The following XPO1 variants were observed in gnomAD, a reference collection of about 807,000 sequenced individuals.
The protein encoded by XPO1 is exportin-1.
In XPO1, 5 loss-of-function variants were observed where a neutral mutation model predicts 133.3. The observed-to-expected ratio is 0.04, with a 90% CI of 0.02 to 0.08. The LOEUF (loss-of-function observed/expected upper bound fraction) is 0.08, where lower values mean the gene tolerates loss of function less well. Among genes scored for constraint, XPO1 ranks in the 10% least tolerant of loss-of-function variants. The pLI is 1.00. For missense variants in XPO1, 506 were observed against 1,267.5 expected, an observed-to-expected ratio of 0.40 and a Z score of 9.12; for synonymous variants, 419 against 408.2, an observed-to-expected ratio of 1.03 and a Z score of -0.32.
intron 1 of XPO1, among the ~76,000 whole-genome samples, chr2:61,535,657 G>A (rs1052236170): frequency 6.6e-6 from 1 of 152,174 alleles, no homozygotes; most frequent in Non-Finnish European, 1.5e-5. Context: ...TGATTGATAT[G>A]ATGTAAAAAT....
chr2:61,516,467 T>G (rs1403243886), intron 4 of XPO1, among the ~76,000 whole-genome samples: 2 of 152,096 alleles, frequency 1.3e-5, no homozygotes, highest in African/African-American at 4.8e-5. Context: ...CAGGCCGTAG[T>G]GCAATGGCGC....
At chr2:61,509,104 G>A (rs1199499133) in intron 4 of XPO1, among the ~76,000 whole-genome samples, 2 of 151,738 alleles carry the variant, frequency 1.3e-5, no homozygotes, top group South Asian at 4.2e-4. Flanking sequence ...GAGTTCAAGC[G>A]ATTCTCCTGC....
At chr2:61,532,419 G>A (rs917682845) in intron 2 of XPO1, among the ~76,000 whole-genome samples, 1 of 151,260 alleles carries the variant, frequency 6.6e-6, no homozygotes, top group Non-Finnish European at 1.5e-5. Context: ...GAGCCACCGC[G>A]CCCGGCCGGC....
intron 22 of XPO1, 142 bp downstream of exon 22, chr2:61,482,815 C>A: frequency 1.0e-6 from 1 of 972,210 alleles, no homozygotes; most frequent in Non-Finnish European, 1.5e-6. Flanking sequence ...TTAGTACAGA[C>A]AGTTTCACCA....
rs766201793 is a variant in XPO1, at chr2:61,490,720, T to G, written c.1944A>C (p.Thr648=). 6.2e-7 allele frequency: 1 copy of G among 1,614,236 alleles called. No individual in the cohort carries two copies. The highest frequency in any genetic ancestry group is 1.1e-5 in the South Asian group (1 of 91,086). Reference sequence around the variant, plus strand: ...ACTTTTCTATCAAGTGTTCTTGTACTGTTTGATCTGTTTGTGCACCAATCA... The same window carrying G: ...ACTTTTCTATCAAGTGTTCTTGTACGGTTTGATCTGTTTGTGCACCAATCA... The part of the protein sequence containing the change: ...GYMIGAQTDQ[T]VQEHLIEKYM... The change falls in exon 17 of 25, where the codon ACA becomes ACC. Residue 648 remains threonine (T), a synonymous_variant. Coordinates refer to ENST00000401558, the MANE Select transcript of XPO1 (RefSeq NM_003400.4).
chr2:61,523,649 G>T (rs1698791275), intron 3 of XPO1, among the ~76,000 whole-genome samples: 2 of 152,166 alleles, frequency 1.3e-5, no homozygotes, highest in Non-Finnish European at 2.9e-5. Flanking sequence ...CAGATTGCAA[G>T]TTTTGGCTGA....
chr2:61,500,182 T>C lies in XPO1; in HGVS notation c.409-288A>G, dbSNP rs10198398. ...TGTATTAGTATCTGCCTGATAGATA[T>C]GTAGAAATTATTCTAGGAGGCCTTG... On this transcript the variant is annotated intron_variant, in intron 6 of 24. Coordinates refer to ENST00000401558, the MANE Select transcript of XPO1 (RefSeq NM_003400.4). 5.5e-3 allele frequency among the ~76,000 whole-genome samples: 838 copies of C among 152,262 alleles called. 7 individuals are homozygous for C. Among genetic ancestry groups the C allele is most frequent in the African/African-American group, 0.019 (792 of 41,560 alleles).
chr2:61,533,943 T>A, intron 1 of XPO1, 40 bp from the exon 2 acceptor site: 1 of 1,431,166 alleles, frequency 7.0e-7, no homozygotes, highest in Non-Finnish European at 9.2e-7. Flanking sequence ...CCTATCAAGT[T>A]TTGGTATTAT....
Position 61,483,098 on chromosome 2 carries a change from G to C in XPO1, c.2678-7C>G, listed in dbSNP as rs1341235517. On this transcript the variant is annotated splice_polypyrimidine_tract_variant and splice_region_variant and intron_variant, in intron 21 of 24. Coordinates refer to ENST00000401558, the MANE Select transcript of XPO1 (RefSeq NM_003400.4). ...GTAAAAAGTATCTGTAAGCCTAAAA[G>C]ACATAGAATACCAATGGAAAGTTAC... 1.3e-5 allele frequency: 21 copies of C among 1,605,896 alleles called. No homozygotes were observed. Among genetic ancestry groups the C allele is most frequent in the Non-Finnish European group, 1.6e-5 (19 of 1,176,370 alleles).
At chr2:61,522,814 T>C in intron 3 of XPO1, 131 bp from the exon 4 acceptor site, 1 of 666,782 alleles carries the variant, frequency 1.5e-6, no homozygotes, top group South Asian at 1.8e-5. Flanking sequence ...CAAGTTTAAT[T>C]ACACATATTA....
Position 61,483,004 on chromosome 2 carries a change from A to G in XPO1, c.2765T>C (p.Ile922Thr), listed in dbSNP as rs1278903226. ...CACAACAGAAAAGATATGCTGGAGA[A>G]TATCACAAAAATAAGTTTGATAAAA... The part of the protein sequence containing the change: ...QSFYQTYFCD[I>T]LQHIFSVVTD... The change falls in exon 22 of 25, where the codon ATT becomes ACT. Residue 922 changes from isoleucine (I) to threonine (T), a missense_variant. By Grantham distance (89) the Ile-to-Thr change is moderately conservative (BLOSUM62 -1). Around this residue, in one of 6 missense-constraint regions of XPO1, gnomAD observed 203 missense variants for 365.9 expected, o/e 0.55. Coordinates refer to ENST00000401558, the MANE Select transcript of XPO1 (RefSeq NM_003400.4). 6.2e-7 allele frequency: 1 copy of G among 1,613,802 alleles called. No individual in the cohort carries two copies. Among genetic ancestry groups the G allele is most frequent in the Non-Finnish European group, 8.5e-7 (1 of 1,179,962 alleles).
intron 16 of XPO1, among the ~76,000 whole-genome samples, chr2:61,491,466 AC>A (rs1309712149): frequency 6.1e-5 from 3 of 49,508 alleles, no homozygotes; most frequent in East Asian, 2.9e-3. Flanking sequence ...ACAAACACAC[AC>A]ACACACACAC....
At chr2:61,513,245 C>T (rs949310468) in intron 4 of XPO1, among the ~76,000 whole-genome samples, 4 of 152,138 alleles carry the variant, frequency 2.6e-5, no homozygotes, top group African/African-American at 7.2e-5. Context: ...ATTGTTTCCG[C>T]CTGCCTTGGC....
chr2:61,502,444 G>A (rs1697573978), intron 4 of XPO1, 134 bp from the exon 5 acceptor site: 4 of 859,780 alleles, frequency 4.7e-6, no homozygotes, highest in Admixed American at 3.0e-5. Context: ...CCTGTCACCA[G>A]TATTGGCATT....
At chr2:61,486,692 C>T (rs1192432662) in intron 19 of XPO1, among the ~76,000 whole-genome samples, 1 of 152,098 alleles carries the variant, frequency 6.6e-6, no homozygotes, top group Admixed American at 6.6e-5. Flanking sequence ...TTCCTGACCT[C>T]GTGATCCACC....
At chr2:61,502,200 A>C (rs1185361144) in intron 5 of XPO1, 49 bp downstream of exon 5, 1 of 1,592,534 alleles carries the variant, frequency 6.3e-7, no homozygotes, top group Non-Finnish European at 8.6e-7. Flanking sequence ...CAGACTCAAT[A>C]TCTAAATGAT....
chr2:61,498,151 C>CA (rs1250954859), intron 9 of XPO1, among the ~76,000 whole-genome samples: 1 of 152,202 alleles, frequency 6.6e-6, no homozygotes, highest in East Asian at 1.9e-4. Flanking sequence ...GGCTGGAGTG[C>CA]AGTGGCACGA....
At position 61,533,740 on chromosome 2, in the gene XPO1, T is replaced by C. The variant is rs762506459; in HGVS notation, c.126+32A>G. The C allele has an allele frequency of 3.2e-6, 5 of 1,546,458 alleles. No individual in the cohort carries two copies. The South Asian group carries it at 6.3e-5, about 20-fold the overall frequency. The stretch of plus-strand genomic sequence containing the variant: ...ACCCAACAACTCTGTTACACTGTCA[T>C]AATGTTATAAAGTTTTGGTTGGCTA... On this transcript the variant is annotated intron_variant, in intron 2 of 24. Transcript: ENST00000401558.
At position 61,502,965 on chromosome 2, in the gene XPO1, C is replaced by CTTTTTT. The variant is rs201077547; in HGVS notation, c.302-661_302-656dup. ...TGATTTGGTTCCATGTGTTTCTTTT[C>CTTTTTT]TTTTTTTTTTTTTTTTTTGAGACGG... On this transcript the variant is annotated intron_variant, in intron 4 of 24. Coordinates refer to ENST00000401558, the MANE Select transcript of XPO1 (RefSeq NM_003400.4). Among the ~76,000 whole-genome samples, 122 of 138,296 alleles carry CTTTTTT rather than the reference C, an allele frequency of 8.8e-4. 1 individual carries two copies. The highest frequency in any genetic ancestry group is 3.1e-3 in the African/African-American group (113 of 36,936). The allele number at this position is 138,296 out of a possible 152,430, so 90.7% of individuals were successfully genotyped here. A position where few individuals can be genotyped will look rare whatever the true frequency, so the allele number is the denominator to read the frequency against.
Sources: allele counts gnomAD v4.1 joint callset (sites outside exome capture counted in the v4.1 genomes callset), GRCh38; gene constraint gnomAD v4.1.1; regional missense constraint gnomAD v4.1.1; transcripts MANE v1.5; gene names NCBI Gene and HGNC (gene_info 2026-07-23, HGNC 2026-07-21).